TNIK: variants seen among roughly 807,000 people sequenced by gnomAD.
The protein encoded by TNIK is TRAF2 and NCK-interacting protein kinase.
Under a neutral mutation model 191.3 loss-of-function variants are expected in TNIK, and 49 were observed. The observed-to-expected ratio is 0.26, with a 90% confidence interval of 0.20 to 0.32. The LOEUF is 0.32. Among genes scored for constraint, TNIK ranks in the 10% least tolerant of loss-of-function variants. The pLI is 1.00. For missense variants in TNIK, 1,155 were observed against 1,702.3 expected, an observed-to-expected ratio of 0.68 and a Z score of 5.66; for synonymous variants, 594 against 600.9, an observed-to-expected ratio of 0.99 and a Z score of 0.17.
chr3:171,230,671 G>C (rs1182449613), intron 2 of TNIK, among the ~76,000 whole-genome samples: 3 of 152,104 alleles, frequency 2.0e-5, no homozygotes, highest in Non-Finnish European at 4.4e-5. Flanking sequence ...TGACTCCTCA[G>C]ACAACTTACT....
intron 12 of TNIK, among the ~76,000 whole-genome samples, chr3:171,156,166 C>T (rs907049299): frequency 6.6e-6 from 1 of 152,150 alleles, no homozygotes; most frequent in Non-Finnish European, 1.5e-5. Context: ...TGGCTATAAG[C>T]AAAGCATCCT....
At chr3:171,333,663 C>T (rs767093110) in intron 2 of TNIK, among the ~76,000 whole-genome samples, 1 of 151,918 alleles carries the variant, frequency 6.6e-6, no homozygotes, top group East Asian at 1.9e-4. Flanking sequence ...AGTGGCTGTC[C>T]CCTTTGGGCT....
At chr3:171,065,124 G>A (rs566910354) in intron 32 of TNIK, among the ~76,000 whole-genome samples, 2 of 152,204 alleles carry the variant, frequency 1.3e-5, no homozygotes, top group Admixed American at 6.5e-5. Flanking sequence ...CAGCCCTGCT[G>A]GGGTAGGTTT....
At position 171,312,806 on chromosome 3, in the gene TNIK, CT is replaced by C. The variant is rs374936261; in HGVS notation, c.123+56813del. 8.9e-4 allele frequency among the ~76,000 whole-genome samples: 135 copies of C among 152,194 alleles called. 2 individuals are homozygous for C. The highest frequency in any genetic ancestry group is 3.2e-3 in the African/African-American group (134 of 41,524). On this transcript the variant is annotated intron_variant, in intron 2 of 32. Coordinates refer to ENST00000436636, the MANE Select transcript of TNIK (RefSeq NM_015028.4). ...GTCTCTGACAATATTACTACTTTGG[CT>C]TTCACAAGATTCATATTCCTGAACT...
At chr3:171,145,739 T>C (rs1157696499) in intron 12 of TNIK, among the ~76,000 whole-genome samples, 1 of 151,906 alleles carries the variant, frequency 6.6e-6, no homozygotes, top group East Asian at 1.9e-4. Context: ...GAGATAATCC[T>C]CATGCATATT....
intron 21 of TNIK, 146 bp from the exon 22 acceptor site, chr3:171,101,779 A>G (rs1576808557): frequency 1.4e-6 from 1 of 737,758 alleles, no homozygotes; most frequent in Non-Finnish European, 2.1e-6. Flanking sequence ...CATGGAACTA[A>G]GAAAATGATG....
At chr3:171,330,372 AAGAT>A (rs1376393736) in intron 2 of TNIK, among the ~76,000 whole-genome samples, 10 of 152,344 alleles carry the variant, frequency 6.6e-5, no homozygotes, top group African/African-American at 2.4e-4. Flanking sequence ...CCTGCTAACA[AAGAT>A]AGAAGAAGGA....
chr3:171,148,670 T>TA (rs1264500331), intron 12 of TNIK, among the ~76,000 whole-genome samples: 2 of 152,314 alleles, frequency 1.3e-5, no homozygotes, highest in African/African-American at 4.8e-5. Context: ...CTAAAGATGC[T>TA]AACTTATACG....
chr3:171,449,440 A>G (rs947949772), intron 1 of TNIK, among the ~76,000 whole-genome samples: 3 of 152,194 alleles, frequency 2.0e-5, no homozygotes, highest in African/African-American at 7.2e-5. Flanking sequence ...CTACCTTTTA[A>G]GTTTAAATTC....
intron 2 of TNIK, among the ~76,000 whole-genome samples, chr3:171,234,545 G>C (rs1416087910): frequency 1.3e-5 from 2 of 152,194 alleles, no homozygotes; most frequent in Non-Finnish European, 2.9e-5. Context: ...TTTCAAGACT[G>C]TTCAGGGGTG....
chr3:171,272,112 G>A (rs1167831907), intron 2 of TNIK, among the ~76,000 whole-genome samples: 1 of 152,194 alleles, frequency 6.6e-6, no homozygotes, highest in Non-Finnish European at 1.5e-5. Flanking sequence ...CGAGAGAAAA[G>A]AATAGACAAA....
At chr3:171,139,577 G>A (rs1730521912) in intron 13 of TNIK, 21 bp from the exon 14 acceptor site, 1 of 1,610,060 alleles carries the variant, frequency 6.2e-7, no homozygotes, top group Non-Finnish European at 8.5e-7. Context: ...AGGCAGCAGA[G>A]AATTCAGAGG....
intron 2 of TNIK, among the ~76,000 whole-genome samples, chr3:171,238,075 T>G (rs1273800437): frequency 6.6e-6 from 1 of 152,198 alleles, no homozygotes; most frequent in African/African-American, 2.4e-5. Flanking sequence ...AGATGTCTTC[T>G]GTGTCAGCAC....
chr3:171,160,130 C>T (rs1733782694), intron 11 of TNIK, among the ~76,000 whole-genome samples: 1 of 152,194 alleles, frequency 6.6e-6, no homozygotes, highest in Admixed American at 6.5e-5. Context: ...TGGCAGTCAT[C>T]TTCTTTATGC....
chr3:171,206,335 GTATATA>G (rs60356829), intron 4 of TNIK, among the ~76,000 whole-genome samples: 1 of 133,026 alleles, frequency 7.5e-6, no homozygotes, highest in Non-Finnish European at 1.6e-5. Flanking sequence ...ATATGTTCGT[GTATATA>G]TATATATATA....
At chr3:171,138,965 T>C (rs767667867) in intron 14 of TNIK, among the ~76,000 whole-genome samples, 6 of 152,066 alleles carry the variant, frequency 3.9e-5, no homozygotes, top group Admixed American at 6.6e-5. Flanking sequence ...AATAAAAAAG[T>C]ACTGTACTTC....
At chr3:171,420,054 T>A (rs1210372205) in intron 1 of TNIK, among the ~76,000 whole-genome samples, 1 of 152,186 alleles carries the variant, frequency 6.6e-6, no homozygotes, top group Non-Finnish European at 1.5e-5. Context: ...AGTGTCCAAG[T>A]GATCAAACTA....
At chr3:171,349,245 G>C (rs1712750900) in intron 2 of TNIK, among the ~76,000 whole-genome samples, 1 of 152,134 alleles carries the variant, frequency 6.6e-6, no homozygotes, top group African/African-American at 2.4e-5. Flanking sequence ...TGGTCTGAGT[G>C]CTTATTTATA....
intron 1 of TNIK, among the ~76,000 whole-genome samples, chr3:171,439,108 G>A (rs1277469460): frequency 6.6e-6 from 1 of 152,182 alleles, no homozygotes; most frequent in Non-Finnish European, 1.5e-5. Context: ...ACTTTGGGAG[G>A]CCGAGGCAGG....
Sources: allele counts gnomAD v4.1 joint callset (sites outside exome capture counted in the v4.1 genomes callset), GRCh38; gene constraint gnomAD v4.1.1; transcripts MANE v1.5; gene names NCBI Gene and HGNC (gene_info 2026-07-23, HGNC 2026-07-21).